Variants in SBNO1 observed in about 807,000 individuals in gnomAD.
The protein encoded by SBNO1 is strawberry notch homolog 1, also known as protein strawberry notch homolog 1.
A neutral mutation model predicts 173.6 loss-of-function variants in SBNO1; 23 were observed. That is an observed-to-expected ratio of 0.13 (90% CI 0.10 to 0.19). The LOEUF is 0.19. Among genes scored for constraint, SBNO1 ranks in the 10% least tolerant of loss-of-function variants. SBNO1 has a pLI of 1.00. For synonymous variants in SBNO1, 632 were observed against 571.5 expected, an observed-to-expected ratio of 1.11 and a Z score of -1.51; for missense variants, 1,238 against 1,671.2, an observed-to-expected ratio of 0.74 and a Z score of 4.52.
At chr12:123,340,367 G>C (rs11057280) in intron 5 of SBNO1, among the ~76,000 whole-genome samples, 3,159 of 152,048 alleles carry the variant, frequency 0.021, 114 homozygotes, top group African/African-American at 0.071. Context: ...GATTACCTGA[G>C]GTCAGGAGTT....
intron 1 of SBNO1, 174 bp downstream of exon 1, chr12:123,364,527 C>T: frequency 1.0e-6 from 1 of 983,626 alleles, no homozygotes; most frequent in Admixed American, 6.2e-5. Context: ...AACATGCCCC[C>T]GAGGGCCCCG....
At chr12:123,331,214 G>C in intron 8 of SBNO1, 28 bp downstream of exon 8, 1 of 1,609,988 alleles carries the variant, frequency 6.2e-7, no homozygotes, top group Non-Finnish European at 8.5e-7. Flanking sequence ...CGCTGCGCCT[G>C]GCCCACAGCC....
At chr12:123,343,342 C>G (rs905198952) in intron 4 of SBNO1, among the ~76,000 whole-genome samples, 5 of 152,258 alleles carry the variant, frequency 3.3e-5, no homozygotes, top group Middle Eastern at 6.8e-3. Context: ...AGCCAGTGAT[C>G]AGCTCCTAGT....
In SBNO1 at chr12:123,348,009, C is replaced by T. The variant is rs764848446; in HGVS notation, c.237+20G>A. On this transcript the variant is annotated intron_variant, in intron 3 of 31. Coordinates refer to ENST00000602398, the MANE Select transcript of SBNO1 (RefSeq NM_001167856.3). ...TTCTAAACTATTTTAGAAGTAACGA[C>T]GAATCTAAATCATTCTTACCCTCAC... 8.0e-5 allele frequency: 116 copies of T among 1,453,188 alleles called. No individual in the cohort carries two copies. Among genetic ancestry groups the T allele is most frequent in the Admixed American group, 6.9e-5 (4 of 58,012 alleles). 90.0% of individuals were successfully genotyped at this position (1,453,188 alleles called of 1,614,324 possible). A position where few individuals can be genotyped will look rare whatever the true frequency, so the allele number is the denominator to read the frequency against.
chr12:123,345,943 G>A (rs1207617305), intron 3 of SBNO1, among the ~76,000 whole-genome samples: 2 of 152,198 alleles, frequency 1.3e-5, no homozygotes, highest in Non-Finnish European at 2.9e-5. Context: ...GACTACAGGC[G>A]TGAGCCACTG....
chr12:123,316,222 T>TTA (rs1869245396), intron 21 of SBNO1, among the ~76,000 whole-genome samples: 1 of 152,132 alleles, frequency 6.6e-6, no homozygotes, highest in African/African-American at 2.4e-5. Flanking sequence ...TATAAGACAT[T>TTA]AAACAGGATT....
chr12:123,361,749 A>T (rs1325289412), intron 1 of SBNO1, among the ~76,000 whole-genome samples: 5 of 146,092 alleles, frequency 3.4e-5, no homozygotes, highest in Admixed American at 2.7e-4. Flanking sequence ...AAAAAAATAC[A>T]AAATTGCCTG....
At chr12:123,322,761 C>T (rs1297014105) in intron 16 of SBNO1, among the ~76,000 whole-genome samples, 1 of 151,518 alleles carries the variant, frequency 6.6e-6, no homozygotes, top group African/African-American at 2.4e-5. Flanking sequence ...CAAAAATTAG[C>T]AGGGCGTGGT....
intron 31 of SBNO1, among the ~76,000 whole-genome samples, chr12:123,296,949 A>G (rs2048618083): frequency 6.6e-6 from 1 of 151,662 alleles, no homozygotes; most frequent in African/African-American, 2.4e-5. Flanking sequence ...CTCCTGCCTC[A>G]GCCTCCCAAA....
chr12:123,346,754 A>G (rs1238700568), intron 3 of SBNO1, among the ~76,000 whole-genome samples: 4 of 151,968 alleles, frequency 2.6e-5, no homozygotes, highest in African/African-American at 7.2e-5. Flanking sequence ...ACCGTGTTAT[A>G]TATCTTCACG....
Position 123,289,707 on chromosome 12 carries a change from A to G in SBNO1, c.*6201T>C, listed in dbSNP as rs112254867. ...AGATACAAGTGGTTATTGAAAAATCATATCAGTAGTTTGCAAATTCAGTAT... is the reference window on the plus strand; with the variant it reads ...AGATACAAGTGGTTATTGAAAAATCGTATCAGTAGTTTGCAAATTCAGTAT... On this transcript the variant is annotated 3_prime_UTR_variant, in exon 32 of 32. Coordinates refer to ENST00000602398, the MANE Select transcript of SBNO1 (RefSeq NM_001167856.3). 9.2e-5 allele frequency: 14 copies of G among 152,358 alleles called. No homozygotes were observed. Among genetic ancestry groups the G allele is most frequent in the South Asian group, 4.1e-4 (2 of 4,826 alleles). The allele number at this position is 152,358 out of a possible 1,614,324, so 9.4% of individuals were successfully genotyped here.
At position 123,336,384 on chromosome 12, in the gene SBNO1, C is replaced by A; in HGVS notation, c.748+11G>T. On this transcript the variant is annotated intron_variant, in intron 6 of 31. Coordinates refer to ENST00000602398, the MANE Select transcript of SBNO1 (RefSeq NM_001167856.3). ...TTTGATGTAAATATCTGACAAATCC[C>A]GAAGACATACATTTTATTGGCATGT... The A allele has an allele frequency of 1.3e-6, 2 of 1,494,548 alleles. No individual in the cohort carries two copies. The allele number at this position is 1,494,548 out of a possible 1,614,324, so 92.6% of individuals were successfully genotyped here. A position where few individuals can be genotyped will look rare whatever the true frequency, so the allele number is the denominator to read the frequency against.
chr12:123,308,010 T>A (rs1197928306), intron 28 of SBNO1, among the ~76,000 whole-genome samples: 1 of 152,140 alleles, frequency 6.6e-6, no homozygotes, highest in African/African-American at 2.4e-5. Flanking sequence ...AGGCGGAGGT[T>A]GCAGTAAGCC....
intron 5 of SBNO1, 146 bp downstream of exon 5, chr12:123,340,842 T>C (rs7315453): frequency 0.89 from 544,256 of 614,626 alleles, 241,785 homozygotes; most frequent in Middle Eastern, 0.92. Flanking sequence ...TCCAGCGAGG[T>C]TTAAGCATAT....
intron 1 of SBNO1, among the ~76,000 whole-genome samples, chr12:123,351,638 T>C (rs556303888): frequency 1.6e-4 from 24 of 151,400 alleles, no homozygotes; most frequent in African/African-American, 4.6e-4. Context: ...TAGAAAAAAA[T>C]AGAAGGATTA....
At chr12:123,363,157 A>T (rs1007663175) in intron 1 of SBNO1, among the ~76,000 whole-genome samples, 5 of 152,154 alleles carry the variant, frequency 3.3e-5, no homozygotes, top group Admixed American at 6.6e-5. Context: ...GATAAAAAGC[A>T]GAAGCCAGAG....
Position 123,364,751 on chromosome 12 carries a change from T to C in SBNO1, c.-51A>G, listed in dbSNP as rs917710463. The C allele has an allele frequency of 1.1e-5, 11 of 987,800 alleles. No homozygotes were observed. Among genetic ancestry groups the C allele is most frequent in the African/African-American group, 3.5e-5 (2 of 57,162 alleles). 61.2% of individuals were successfully genotyped at this position (987,800 alleles called of 1,614,324 possible). A position where few individuals can be genotyped will look rare whatever the true frequency, so the allele number is the denominator to read the frequency against. Reference sequence around the variant, plus strand: ...ACAGCTCCTCCCGGGAGGTGTGAGTTTGAAGGACCAGAGGCGACTGGAGCG... The same window carrying C: ...ACAGCTCCTCCCGGGAGGTGTGAGTCTGAAGGACCAGAGGCGACTGGAGCG... On this transcript the variant is annotated 5_prime_UTR_variant, in exon 1 of 32. Transcript: ENST00000602398.
chr12:123,320,807 T>C lies in SBNO1; in HGVS notation c.2383A>G (p.Ile795Val). The part of the protein sequence containing the change: ...KNKEKKKKKS[I>V]DPDSIQSALL... ...GCACTTTGAATAGAATCTGGATCTA[T>C]ACTTTTCTTCTTTTTTTTCTCTTTG... The change falls in exon 18 of 32, where the codon ATA (isoleucine) becomes GTA (valine). Residue 795 changes from isoleucine (I) to valine (V), a missense_variant. Ile to Val is a conservative substitution (Grantham distance 29, BLOSUM62 3). Transcript: ENST00000602398. 6.2e-7 allele frequency: 1 copy of C among 1,601,462 alleles called. No individual in the cohort carries two copies. The highest frequency in any genetic ancestry group is 8.5e-7 in the Non-Finnish European group (1 of 1,175,244).
Position 123,348,084 on chromosome 12 carries a change from A to G in SBNO1, c.182T>C (p.Val61Ala), listed in dbSNP as rs1299791848. Residue 61 changes from valine to alanine, a missense_variant, in exon 3 of 32, where the codon GTT (valine) becomes GCT (alanine). Around this residue, in one of 14 missense-constraint regions of SBNO1, gnomAD observed 287 missense variants for 274.1 expected, o/e 1.05. Transcript: ENST00000602398. ...LELGLETEAA[V>A]PVKQEPETVP... ...AGTCTCTGGTTCTTGTTTAACAGGA[A>G]CTGCTGCTTCGGTCTCCAAACCTAG... The G allele has an allele frequency of 6.2e-7, 1 of 1,612,224 alleles. No individual in the cohort carries two copies. Among genetic ancestry groups the G allele is most frequent in the Non-Finnish European group, 8.5e-7 (1 of 1,178,520 alleles).
Sources: allele counts gnomAD v4.1 joint callset (sites outside exome capture counted in the v4.1 genomes callset), GRCh38; gene constraint gnomAD v4.1.1; regional missense constraint gnomAD v4.1.1; transcripts MANE v1.5; gene names NCBI Gene and HGNC (gene_info 2026-07-23, HGNC 2026-07-21).